MMP16: variants seen among roughly 807,000 people sequenced by gnomAD.
MMP16 encodes matrix metalloproteinase-16.
Under a neutral mutation model 67.8 loss-of-function variants are expected in MMP16, and 12 were observed. The ratio of observed to expected loss-of-function variants is 0.18; its 90% CI spans 0.11 to 0.29. The LOEUF is 0.29. MMP16 is among the 10% of genes least tolerant of loss of function. The probability of loss-of-function intolerance (pLI) is 1.00; values close to 1 mark genes in which losing one functional copy is unlikely to be tolerated. For missense variants in MMP16, 475 were observed against 765.7 expected, an observed-to-expected ratio of 0.62 and a Z score of 4.48; for synonymous variants, 249 against 255.9, an observed-to-expected ratio of 0.97 and a Z score of 0.26.
At chr8:88,324,365 C>T (rs556470658) in intron 1 of MMP16, among the ~76,000 whole-genome samples, 1 of 152,020 alleles carries the variant, frequency 6.6e-6, no homozygotes, top group African/African-American at 2.4e-5. Context: ...TCTAGCCAAC[C>T]ACCCTCTTCA....
Position 88,257,326 on chromosome 8 carries a change from G to C in MMP16, c.133-60020C>G, listed in dbSNP as rs545657454. Among the ~76,000 whole-genome samples the C allele has an allele frequency of 1.2e-3, 189 of 152,302 alleles. 1 individual carries two copies. Among genetic ancestry groups the C allele is most frequent in the South Asian group, 0.011 (53 of 4,834 alleles). ...CAATGCACTTTAGAACCTGTACAAG[G>C]TAGAGTAGAGTAGAGAAAGGAGTAA... is the stretch of plus-strand genomic sequence containing the variant. On this transcript the variant is annotated intron_variant, in intron 1 of 9. Coordinates refer to ENST00000286614, the MANE Select transcript of MMP16 (RefSeq NM_005941.5).
intron 8 of MMP16, among the ~76,000 whole-genome samples, chr8:88,052,878 A>C (rs1808287824): frequency 6.6e-6 from 1 of 152,178 alleles, no homozygotes; most frequent in Non-Finnish European, 1.5e-5. Context: ...GTCAACCCTA[A>C]GTCCCAACCT....
At chr8:88,208,794 T>C (rs1466237716) in intron 1 of MMP16, among the ~76,000 whole-genome samples, 1 of 108,902 alleles carries the variant, frequency 9.2e-6, no homozygotes, top group Non-Finnish European at 1.9e-5. Flanking sequence ...ATCAAGGAAA[T>C]CATGAAAGAG....
intron 1 of MMP16, among the ~76,000 whole-genome samples, chr8:88,220,041 C>T (rs1290661606): frequency 1.3e-5 from 2 of 152,100 alleles, no homozygotes; most frequent in African/African-American, 4.8e-5. Context: ...CTTACTCACT[C>T]CTCTATCCAG....
rs146969838 is a variant in MMP16 at position 88,225,319 on chromosome 8, A to G, written c.133-28013T>C. 1.6e-3 allele frequency among the ~76,000 whole-genome samples: 242 copies of G among 152,056 alleles called. 2 individuals carry two copies. Among genetic ancestry groups the G allele is most frequent in the African/African-American group, 5.6e-3 (233 of 41,536 alleles). ...TATGACACATTAAAAATGCATACAG[A>G]CTGTGTTTGTCCATGTTCTTCTCTT... On this transcript the variant is annotated intron_variant, in intron 1 of 9. Coordinates refer to ENST00000286614, the MANE Select transcript of MMP16 (RefSeq NM_005941.5).
chr8:88,261,273 A>C (rs1376629884), intron 1 of MMP16, among the ~76,000 whole-genome samples: 1 of 152,082 alleles, frequency 6.6e-6, no homozygotes, highest in East Asian at 1.9e-4. Context: ...TGGTTATTTC[A>C]TTTATTGAGA....
intron 4 of MMP16, among the ~76,000 whole-genome samples, chr8:88,161,984 C>T (rs1808634266): frequency 6.6e-6 from 1 of 151,992 alleles, no homozygotes; most frequent in East Asian, 1.9e-4. Context: ...ACTATATAGT[C>T]AATTTTGGAA....
chr8:88,302,655 G>A (rs1349561247), intron 1 of MMP16, among the ~76,000 whole-genome samples: 1 of 152,180 alleles, frequency 6.6e-6, no homozygotes. Context: ...AATTGGAAAT[G>A]CAGAAGTGGA....
intron 2 of MMP16, among the ~76,000 whole-genome samples, chr8:88,187,707 A>G (rs925509716): frequency 1.3e-5 from 2 of 152,184 alleles, no homozygotes; most frequent in Non-Finnish European, 2.9e-5. Flanking sequence ...TTTTACAAAC[A>G]TAATAACTTC....
intron 2 of MMP16, among the ~76,000 whole-genome samples, chr8:88,189,892 G>T (rs1809139106): frequency 6.6e-6 from 1 of 152,186 alleles, no homozygotes; most frequent in African/African-American, 2.4e-5. Context: ...GTGAGTGAGG[G>T]TAGAGAGCCA....
intron 4 of MMP16, among the ~76,000 whole-genome samples, chr8:88,147,789 G>A (rs935131843): frequency 7.2e-5 from 11 of 151,912 alleles, no homozygotes; most frequent in African/African-American, 2.4e-4. Flanking sequence ...GTGTGTGTGT[G>A]TGTGTGTGTG....
intron 4 of MMP16, among the ~76,000 whole-genome samples, chr8:88,161,101 A>G (rs201478008): frequency 2.1e-4 from 32 of 152,060 alleles, no homozygotes; most frequent in Non-Finnish European, 3.7e-4. Context: ...TCTATTGATT[A>G]GAATAGTTTC....
At chr8:88,221,460 G>A (rs773492621) in intron 1 of MMP16, among the ~76,000 whole-genome samples, 15 of 151,808 alleles carry the variant, frequency 9.9e-5, no homozygotes, top group Non-Finnish European at 1.5e-4. Context: ...ATGAGAATCC[G>A]AAACAAGCAA....
chr8:88,069,248 T>C (rs1216329461), intron 7 of MMP16: 1 of 322,146 alleles, frequency 3.1e-6, no homozygotes, highest in Admixed American at 5.1e-5. Context: ...AGTAGTGTTT[T>C]GTTGTTTTCA....
chr8:88,306,573 T>C lies in MMP16; in HGVS notation c.132+20502A>G, dbSNP rs1811214612. ...GAATCCAGCAGCATATAAAAAAGCA[T>C]ATGCACTACAATCAAGTTGGCTTCA... is the stretch of plus-strand genomic sequence containing the variant. On this transcript the variant is annotated intron_variant, in intron 1 of 9. Coordinates refer to ENST00000286614, the MANE Select transcript of MMP16 (RefSeq NM_005941.5). Among the ~76,000 whole-genome samples the C allele has an allele frequency of 3.3e-5, 5 of 152,210 alleles. No homozygotes were observed. The South Asian group carries it at 1.0e-3, about 32-fold the overall frequency.
intron 1 of MMP16, among the ~76,000 whole-genome samples, chr8:88,304,147 T>G (rs936630626): frequency 6.6e-6 from 1 of 152,042 alleles, no homozygotes; most frequent in African/African-American, 2.4e-5. Context: ...AACTTCACAA[T>G]GCAATCACAA....
In MMP16 at chr8:88,167,235, T is replaced by A. The variant is rs544226289; in HGVS notation, c.709+434A>T. Among the ~76,000 whole-genome samples the A allele has an allele frequency of 2.0e-5, 3 of 151,750 alleles. No homozygotes were observed. The East Asian group carries it at 5.9e-4, about 30-fold the overall frequency. On this transcript the variant is annotated intron_variant, in intron 4 of 9. Transcript: ENST00000286614. ...CTCAAAACAAACAAACAAAAAAGAATAGAAAATAATGTAGAAAAGATATAG... is the reference window on the plus strand; with the variant it reads ...CTCAAAACAAACAAACAAAAAAGAAAAGAAAATAATGTAGAAAAGATATAG...
At chr8:88,127,049 G>GT (rs1365669378) in intron 4 of MMP16, among the ~76,000 whole-genome samples, 3 of 151,824 alleles carry the variant, frequency 2.0e-5, no homozygotes, top group African/African-American at 7.2e-5. Context: ...CTGGATCGCA[G>GT]TAAGTAAAAA....
At chr8:88,122,913 C>T (rs1189611278) in intron 4 of MMP16, among the ~76,000 whole-genome samples, 2 of 151,540 alleles carry the variant, frequency 1.3e-5, no homozygotes, top group East Asian at 3.9e-4. Flanking sequence ...CCTCCTCCCC[C>T]CACCCCTGCC....
Sources: gnomAD v4.1 joint callset for allele counts (sites outside exome capture counted in the v4.1 genomes callset) on GRCh38, gnomAD v4.1.1 for gene constraint, MANE v1.5 for transcripts, NCBI Gene and HGNC (gene_info 2026-07-23, HGNC 2026-07-21) for gene names.